Variants in NFX1 observed in about 807,000 individuals in gnomAD.
NFX1 encodes nuclear transcription factor, X-box binding 1.
NFX1 carries 69 observed loss-of-function variants against 137.2 expected under a neutral mutation model. The observed-to-expected ratio is 0.50, with a 90% CI of 0.41 to 0.61. The LOEUF is 0.61. Among genes scored for constraint, NFX1 ranks in the 20% least tolerant of loss-of-function variants. The pLI, the probability that NFX1 is intolerant of heterozygous loss-of-function variation, is 0.00. For missense variants in NFX1, 1,167 were observed against 1,391.0 expected, an observed-to-expected ratio of 0.84 and a Z score of 2.56; for synonymous variants, 495 against 474.1, an observed-to-expected ratio of 1.04 and a Z score of -0.57.
At chr9:33,291,773 C>T (rs943211655) in intron 1 of NFX1, among the ~76,000 whole-genome samples, 2 of 152,120 alleles carry the variant, frequency 1.3e-5, no homozygotes, top group Admixed American at 6.5e-5. Flanking sequence ...CATGGTGGCA[C>T]GCGCCTGTAG....
chr9:33,364,055 C>A lies in NFX1; in HGVS notation c.2919C>A (p.Phe973Leu), dbSNP rs1350206146. 1 of 1,605,296 alleles carries A rather than the reference C, an allele frequency of 6.2e-7. No homozygotes were observed. The highest frequency in any genetic ancestry group is 1.1e-5 in the South Asian group (1 of 89,136). Reference sequence around the variant, plus strand: ...ATATCAGTGAGGATTCTGATCCTTTCAATATACGTTCTTCAGGGTCAAAAT... The same window carrying A: ...ATATCAGTGAGGATTCTGATCCTTTAAATATACGTTCTTCAGGGTCAAAAT... ...AFHISEDSDPFNIRSSGSKFS... is the reference protein window; with the variant it reads ...AFHISEDSDPLNIRSSGSKFS... The change falls in exon 20 of 24, where the codon TTC (phenylalanine) becomes TTA (leucine). Residue 973 changes from phenylalanine (F) to leucine (L), a missense_variant. Phe to Leu is a conservative substitution (Grantham distance 22). This residue lies in a region of NFX1 where 312 missense variants were observed against 312.8 expected (regional missense o/e 1.00). Transcript: ENST00000379540.
At chr9:33,317,101 A>G (rs1179508953) in intron 7 of NFX1, among the ~76,000 whole-genome samples, 2 of 152,156 alleles carry the variant, frequency 1.3e-5, no homozygotes, top group Non-Finnish European at 2.9e-5. Flanking sequence ...TTAAATGAAC[A>G]AATGAGTTTT....
chr9:33,305,284 G>A (rs749766979), intron 4 of NFX1, among the ~76,000 whole-genome samples: 3 of 152,218 alleles, frequency 2.0e-5, no homozygotes, highest in Non-Finnish European at 2.9e-5. Context: ...CTTGGAGGAG[G>A]TAGAATTGAA....
chr9:33,347,759 C>CA, intron 15 of NFX1: 1 of 345,918 alleles, frequency 2.9e-6, no homozygotes, highest in Non-Finnish European at 5.8e-6. Context: ...TTCACAATTG[C>CA]AAAAATGTGG....
At chr9:33,369,701 A>ATG in intron 23 of NFX1, among the ~76,000 whole-genome samples, 1 of 152,352 alleles carries the variant, frequency 6.6e-6, no homozygotes, top group East Asian at 1.9e-4. Context: ...AAAATTCCCC[A>ATG]TGTAATATGT....
intron 17 of NFX1, 109 bp downstream of exon 17, chr9:33,352,828 C>CAAA (rs34707657): frequency 0.83 from 681,027 of 819,762 alleles, 283,752 homozygotes; most frequent in Non-Finnish European, 0.84. Context: ...GGAGAAGAAA[C>CAAA]GAAGTCTGTA....
At chr9:33,351,186 A>G (rs534198170) in intron 15 of NFX1, among the ~76,000 whole-genome samples, 58 of 150,918 alleles carry the variant, frequency 3.8e-4, no homozygotes, top group Admixed American at 1.6e-3. Flanking sequence ...TGCCAGATGC[A>G]GTGGTTCACA....
chr9:33,341,520 A>T (rs1449188268), intron 12 of NFX1, among the ~76,000 whole-genome samples: 1 of 152,228 alleles, frequency 6.6e-6, no homozygotes, highest in African/African-American at 2.4e-5. Context: ...GTACGTGTGT[A>T]TGTATGTATA....
intron 10 of NFX1, among the ~76,000 whole-genome samples, chr9:33,330,138 C>A (rs1001279262): frequency 1.3e-5 from 2 of 152,144 alleles, no homozygotes; most frequent in Admixed American, 1.3e-4. Context: ...AAAAAGTCTT[C>A]GGGTGATTCA....
chr9:33,335,490 C>T (rs1375975900), intron 11 of NFX1, among the ~76,000 whole-genome samples: 1 of 152,068 alleles, frequency 6.6e-6, no homozygotes, highest in Non-Finnish European at 1.5e-5. Flanking sequence ...GCCTCAGCCT[C>T]CCAAAGTGCT....
chr9:33,352,576 A>T, intron 16 of NFX1, 70 bp from the exon 17 acceptor site: 1 of 1,308,470 alleles, frequency 7.6e-7, no homozygotes, highest in Non-Finnish European at 1.1e-6. Context: ...GAGAGGATTT[A>T]AGAGTGAAAA....
intron 9 of NFX1, among the ~76,000 whole-genome samples, chr9:33,323,108 T>C (rs937599553): frequency 2.0e-5 from 3 of 152,134 alleles, no homozygotes; most frequent in Non-Finnish European, 4.4e-5. Context: ...AGATCGGGAA[T>C]CAAGACAAAG....
chr9:33,339,119 A>G (rs1823122978), intron 12 of NFX1, among the ~76,000 whole-genome samples: 1 of 152,178 alleles, frequency 6.6e-6, no homozygotes, highest in South Asian at 2.1e-4. Flanking sequence ...TTTTATATAT[A>G]AAAAATATAA....
intron 9 of NFX1, among the ~76,000 whole-genome samples, chr9:33,325,452 A>G (rs1822548275): frequency 6.6e-6 from 1 of 152,174 alleles, no homozygotes; most frequent in South Asian, 2.1e-4. Context: ...TCACGAGGTC[A>G]GGATATTGAG....
chr9:33,351,155 T>C (rs1412559203), intron 15 of NFX1, among the ~76,000 whole-genome samples: 1 of 148,434 alleles, frequency 6.7e-6, no homozygotes, highest in African/African-American at 2.5e-5. Flanking sequence ...TCAAAATAAA[T>C]AAATAAATAC....
rs1009868615 is a variant in NFX1, at chr9:33,354,098, C to T, written c.2742C>T (p.Ile914=). The T allele has an allele frequency of 8.7e-6, 14 of 1,610,532 alleles. No individual in the cohort carries two copies. In the African/African-American group the frequency reaches 1.6e-4, roughly 18 times the overall value. Reference sequence around the variant, plus strand: ...TTTTATATTTCAGAATAGCTGCAATCTCCATGGCCTCTAAGATAACAGACA... The same window carrying T: ...TTTTATATTTCAGAATAGCTGCAATTTCCATGGCCTCTAAGATAACAGACA... The part of the protein sequence containing the change: ...ASSTYQRIAA[I]SMASKITDMQ... The change falls in exon 18 of 24, where the codon ATC becomes ATT. Residue 914 remains isoleucine, a synonymous_variant. Transcript: ENST00000379540.
chr9:33,331,510 A>G (rs1169272404), intron 10 of NFX1, among the ~76,000 whole-genome samples: 1 of 152,200 alleles, frequency 6.6e-6, no homozygotes, highest in Admixed American at 6.5e-5. Context: ...TCCAGTGTTC[A>G]CTGATGGGAG....
At chr9:33,340,911 T>C (rs1034700224) in intron 12 of NFX1, among the ~76,000 whole-genome samples, 32 of 152,310 alleles carry the variant, frequency 2.1e-4, no homozygotes, top group Admixed American at 2.0e-3. Context: ...TTATTGTCCA[T>C]ATCATTATCA....
chr9:33,318,694 G>A, intron 7 of NFX1, 37 bp from the exon 8 acceptor site: 1 of 1,563,336 alleles, frequency 6.4e-7, no homozygotes, highest in Admixed American at 1.7e-5. Flanking sequence ...ACCCATACAT[G>A]TTACTAACGT....
Sources: allele counts gnomAD v4.1 joint callset (sites outside exome capture counted in the v4.1 genomes callset), GRCh38; gene constraint gnomAD v4.1.1; regional missense constraint gnomAD v4.1.1; transcripts MANE v1.5; gene names NCBI Gene and HGNC (gene_info 2026-07-23, HGNC 2026-07-21).